The following FSTL5 variants were observed in gnomAD, a reference collection of about 807,000 sequenced individuals.
The protein encoded by FSTL5 is follistatin like 5.
A neutral mutation model predicts 89.1 loss-of-function variants in FSTL5; 62 were observed. The ratio of observed to expected loss-of-function variants is 0.70; its 90% CI spans 0.57 to 0.86. The LOEUF (loss-of-function observed/expected upper bound fraction) is 0.86, where lower values mean the gene tolerates loss of function less well. Among genes scored for constraint, FSTL5 ranks in the 40% least tolerant of loss-of-function variants. FSTL5 has a pLI of 0.00. For synonymous variants in FSTL5, 383 were observed against 346.2 expected, an observed-to-expected ratio of 1.11 and a Z score of -1.18; for missense variants, 1,057 against 1,001.6, an observed-to-expected ratio of 1.06 and a Z score of -0.75.
chr4:161,491,876 G>A (rs954048744), intron 12 of FSTL5, among the ~76,000 whole-genome samples: 2 of 151,558 alleles, frequency 1.3e-5, no homozygotes, highest in Admixed American at 1.3e-4. Flanking sequence ...CAGCAAATAG[G>A]TCCCATTCCC....
intron 7 of FSTL5, among the ~76,000 whole-genome samples, chr4:161,603,012 C>CA (rs906606327): frequency 6.6e-6 from 1 of 151,558 alleles, no homozygotes; most frequent in Non-Finnish European, 1.5e-5. Flanking sequence ...CTACATTAAA[C>CA]AAAAAAGGGT....
chr4:161,877,783 G>T (rs1732495209), intron 4 of FSTL5, among the ~76,000 whole-genome samples: 1 of 151,856 alleles, frequency 6.6e-6, no homozygotes, highest in African/African-American at 2.4e-5. Flanking sequence ...CCGAGATCGC[G>T]CCACTGCACT....
At chr4:161,503,653 A>C (rs2126489315) in intron 11 of FSTL5, among the ~76,000 whole-genome samples, 1 of 152,088 alleles carries the variant, frequency 6.6e-6, no homozygotes, top group South Asian at 2.1e-4. Context: ...CACCTTTGGA[A>C]GTTAAGGAGA....
intron 8 of FSTL5, among the ~76,000 whole-genome samples, chr4:161,559,532 G>A (rs1317330183): frequency 6.6e-6 from 1 of 151,818 alleles, no homozygotes; most frequent in African/African-American, 2.4e-5. Flanking sequence ...TCACATGGTT[G>A]AAAAGCTAAA....
At chr4:162,029,704 C>T (rs974619271) in intron 3 of FSTL5, among the ~76,000 whole-genome samples, 3 of 151,748 alleles carry the variant, frequency 2.0e-5, no homozygotes, top group African/African-American at 7.3e-5. Context: ...TGTAAATTTG[C>T]AAGAGAGTCA....
At chr4:161,502,374 C>T (rs1285457292) in intron 11 of FSTL5, among the ~76,000 whole-genome samples, 1 of 151,880 alleles carries the variant, frequency 6.6e-6, no homozygotes, top group Non-Finnish European at 1.5e-5. Context: ...ATGAATTACA[C>T]ATGAACGTTT....
chr4:161,837,352 A>G (rs1731080097), intron 4 of FSTL5, among the ~76,000 whole-genome samples: 1 of 152,126 alleles, frequency 6.6e-6, no homozygotes, highest in Non-Finnish European at 1.5e-5. Context: ...AAACCTATAG[A>G]CAATTTAAAG....
intron 10 of FSTL5, among the ~76,000 whole-genome samples, chr4:161,524,424 C>T (rs1199632890): frequency 6.6e-6 from 1 of 152,078 alleles, no homozygotes; most frequent in Non-Finnish European, 1.5e-5. Flanking sequence ...GTGTCACAGC[C>T]ATGGTCACTC....
chr4:161,832,259 A>T lies in FSTL5; in HGVS notation c.410-56185T>A, dbSNP rs183404024. On this transcript the variant is annotated intron_variant, in intron 4 of 15. Coordinates refer to ENST00000306100, the MANE Select transcript of FSTL5 (RefSeq NM_020116.5). ...GAACCAAACGAATGAGCTGTACAAT[A>T]GGACAGTGCAGTGATATTTTTTGGG... Among the ~76,000 whole-genome samples, 6 of 152,208 alleles carry T rather than the reference A, an allele frequency of 3.9e-5. No homozygotes were observed. The East Asian group carries it at 1.2e-3, about 29-fold the overall frequency.
chr4:161,759,615 A>T, intron 5 of FSTL5, 84 bp from the exon 6 acceptor site: 1 of 867,952 alleles, frequency 1.2e-6, no homozygotes. Flanking sequence ...ATAATCACAT[A>T]ATAGTTCATT....
chr4:162,030,679 G>A (rs1421291119), intron 3 of FSTL5, among the ~76,000 whole-genome samples: 2 of 151,908 alleles, frequency 1.3e-5, no homozygotes, highest in East Asian at 3.9e-4. Context: ...TTTCCACAAA[G>A]GATATTATCA....
chr4:161,432,633 A>G (rs1446998696), intron 15 of FSTL5, among the ~76,000 whole-genome samples: 1 of 151,980 alleles, frequency 6.6e-6, no homozygotes, highest in Non-Finnish European at 1.5e-5. Flanking sequence ...GAAAAGATCA[A>G]TGAAATGACA....
chr4:162,059,300 C>A (rs1560996619), intron 2 of FSTL5, among the ~76,000 whole-genome samples: 1 of 152,186 alleles, frequency 6.6e-6, no homozygotes, highest in Middle Eastern at 3.4e-3. Context: ...ATTTTCAGTT[C>A]TTGAAACTGA....
At chr4:161,641,682 T>G (rs901483744) in intron 7 of FSTL5, among the ~76,000 whole-genome samples, 11 of 151,888 alleles carry the variant, frequency 7.2e-5, no homozygotes, top group African/African-American at 1.9e-4. Context: ...AGTAGAGACG[T>G]GGTTTCACCG....
chr4:161,444,915 A>G (rs553583705), intron 15 of FSTL5, among the ~76,000 whole-genome samples: 2 of 152,118 alleles, frequency 1.3e-5, no homozygotes, highest in East Asian at 3.9e-4. Context: ...AATGGGAATA[A>G]AAATTTATGT....
intron 4 of FSTL5, among the ~76,000 whole-genome samples, chr4:161,889,622 C>T (rs1001216363): frequency 6.6e-5 from 10 of 152,002 alleles, no homozygotes; most frequent in South Asian, 2.1e-4. Context: ...CCAGCCTGAG[C>T]GACAAGATGA....
At chr4:161,541,752 T>C (rs996090445) in intron 9 of FSTL5, among the ~76,000 whole-genome samples, 1 of 151,920 alleles carries the variant, frequency 6.6e-6, no homozygotes, top group Non-Finnish European at 1.5e-5. Context: ...AGTCATAAAA[T>C]AAGAACTATA....
intron 3 of FSTL5, among the ~76,000 whole-genome samples, chr4:161,977,273 T>G (rs1455668732): frequency 6.6e-6 from 1 of 152,144 alleles, no homozygotes; most frequent in Non-Finnish European, 1.5e-5. Flanking sequence ...AAAATTCATT[T>G]AAATGGTTAA....
At chr4:161,790,792 T>C (rs895527632) in intron 4 of FSTL5, among the ~76,000 whole-genome samples, 5 of 152,204 alleles carry the variant, frequency 3.3e-5, no homozygotes, top group Non-Finnish European at 4.4e-5. Context: ...TGCCCACTTA[T>C]GAAGGTGCTC....
Sources: allele counts gnomAD v4.1 joint callset (sites outside exome capture counted in the v4.1 genomes callset), GRCh38; gene constraint gnomAD v4.1.1; transcripts MANE v1.5; gene names NCBI Gene and HGNC (gene_info 2026-07-23, HGNC 2026-07-21).